The following CCDC148 variants were observed in gnomAD, a reference collection of about 807,000 sequenced individuals.
CCDC148 encodes coiled-coil domain containing 148.
Under a neutral mutation model 85.7 loss-of-function variants are expected in CCDC148, and 89 were observed. That is an observed-to-expected ratio of 1.04 (90% CI 0.87 to 1.24). The LOEUF is 1.24. CCDC148 is among the 50% of genes most tolerant of loss of function. The pLI, the probability that CCDC148 is intolerant of heterozygous loss-of-function variation, is 0.00. For synonymous variants in CCDC148, 230 were observed against 213.9 expected, an observed-to-expected ratio of 1.08 and a Z score of -0.66; for missense variants, 692 against 671.7, an observed-to-expected ratio of 1.03 and a Z score of -0.33.
chr2:158,327,837 A>G (rs1158668921), intron 7 of CCDC148, among the ~76,000 whole-genome samples: 2 of 152,106 alleles, frequency 1.3e-5, no homozygotes, highest in African/African-American at 2.4e-5. Context: ...TTTTTTTCCT[A>G]TAGTACAGAT....
intron 5 of CCDC148, among the ~76,000 whole-genome samples, chr2:158,339,569 G>A (rs2105241779): frequency 6.6e-6 from 1 of 152,298 alleles, no homozygotes; most frequent in South Asian, 2.1e-4. Flanking sequence ...TTGAGGGGAA[G>A]CAGTTGACAA....
At chr2:158,438,434 G>A (rs931395126) in intron 1 of CCDC148, among the ~76,000 whole-genome samples, 1 of 152,184 alleles carries the variant, frequency 6.6e-6, no homozygotes, top group Admixed American at 6.5e-5. Context: ...GTAGAAAGCT[G>A]AAACTGGATC....
At chr2:158,397,048 A>C (rs1574749232) in intron 1 of CCDC148, among the ~76,000 whole-genome samples, 1 of 152,054 alleles carries the variant, frequency 6.6e-6, no homozygotes, top group Non-Finnish European at 1.5e-5. Context: ...TGTACGGTGC[A>C]AAATGAAGTG....
chr2:158,382,137 G>A (rs1263234569), intron 1 of CCDC148, among the ~76,000 whole-genome samples: 1 of 152,088 alleles, frequency 6.6e-6, no homozygotes, highest in Non-Finnish European at 1.5e-5. Flanking sequence ...TCCTCATCTT[G>A]CCTCATCAAG....
At chr2:158,383,242 G>C (rs1427045441) in intron 1 of CCDC148, among the ~76,000 whole-genome samples, 1 of 151,964 alleles carries the variant, frequency 6.6e-6, no homozygotes, top group Admixed American at 6.6e-5. Flanking sequence ...GCTTGAACCT[G>C]GGAGGTGGAG....
chr2:158,423,041 T>C (rs958104310), intron 1 of CCDC148, among the ~76,000 whole-genome samples: 18 of 152,112 alleles, frequency 1.2e-4, no homozygotes, highest in Non-Finnish European at 2.5e-4. Context: ...AAGGACCTCT[T>C]TAAGGAGAAC....
chr2:158,371,913 C>T (rs898285583), intron 1 of CCDC148, among the ~76,000 whole-genome samples: 3 of 151,928 alleles, frequency 2.0e-5, no homozygotes, highest in Non-Finnish European at 4.4e-5. Context: ...ATATGATTTT[C>T]TCTATTTTTA....
intron 1 of CCDC148, among the ~76,000 whole-genome samples, chr2:158,372,451 T>C (rs1684482095): frequency 6.6e-6 from 1 of 152,002 alleles, no homozygotes; most frequent in South Asian, 2.1e-4. Context: ...ATCCTCTGCT[T>C]TGGAAAGACT....
rs1413434208 is a variant in CCDC148 at position 158,385,754 on chromosome 2, G to T, written c.26-27184C>A. ...CTGCTGTAGGTCAAACAAGGCTTCT[G>T]GCAACTTCTTGGGGAGCCCCAGCCT... On this transcript the variant is annotated intron_variant, in intron 1 of 13. Transcript: ENST00000283233. 4.6e-5 allele frequency among the ~76,000 whole-genome samples: 7 copies of T among 152,086 alleles called. No homozygotes were observed. The East Asian group carries it at 1.4e-3, about 29-fold the overall frequency.
At position 158,382,693 on chromosome 2, in the gene CCDC148, G is replaced by A. The variant is rs547230985; in HGVS notation, c.26-24123C>T. Among the ~76,000 whole-genome samples, 20 of 152,020 alleles carry A rather than the reference G, an allele frequency of 1.3e-4. No homozygotes were observed. The South Asian group carries it at 3.7e-3, about 28-fold the overall frequency. On this transcript the variant is annotated intron_variant, in intron 1 of 13. Coordinates refer to ENST00000283233, the MANE Select transcript of CCDC148 (RefSeq NM_138803.4). Reference sequence around the variant, plus strand: ...TGGGAGGCCAAGGCAGGTGGATCACGAGGTCAGGAGTTCAAGACCAGCCTG... The same window carrying A: ...TGGGAGGCCAAGGCAGGTGGATCACAAGGTCAGGAGTTCAAGACCAGCCTG...
At chr2:158,279,802 C>T (rs375509997) in intron 9 of CCDC148, among the ~76,000 whole-genome samples, 1 of 151,576 alleles carries the variant, frequency 6.6e-6, no homozygotes, top group Admixed American at 6.6e-5. Flanking sequence ...CTCGAGAAGA[C>T]CAACTCCAAG....
At chr2:158,294,980 CT>C (rs1276672660) in intron 9 of CCDC148, among the ~76,000 whole-genome samples, 1 of 152,042 alleles carries the variant, frequency 6.6e-6, no homozygotes, top group Non-Finnish European at 1.5e-5. Context: ...TAATAGCCCC[CT>C]GTGGTTTTAA....
chr2:158,358,316 T>A (rs966879246), intron 2 of CCDC148, 133 bp downstream of exon 2: 6 of 1,003,074 alleles, frequency 6.0e-6, no homozygotes, highest in Non-Finnish European at 8.7e-6. Context: ...TAGCTGCTAT[T>A]CACTATTATT....
chr2:158,393,199 T>C (rs1160278308), intron 1 of CCDC148: 1 of 152,114 alleles, frequency 6.6e-6, no homozygotes, highest in Non-Finnish European at 1.5e-5. Flanking sequence ...CCAGGATGGA[T>C]GTATACATGA....
intron 2 of CCDC148, among the ~76,000 whole-genome samples, chr2:158,357,280 T>G (rs1485916573): frequency 6.7e-6 from 1 of 148,778 alleles, no homozygotes; most frequent in Non-Finnish European, 1.5e-5. Flanking sequence ...CTGGGTGGCT[T>G]AAAAAAAAAC....
intron 1 of CCDC148, among the ~76,000 whole-genome samples, chr2:158,441,376 T>G (rs895077092): frequency 1.3e-5 from 2 of 152,216 alleles, no homozygotes; most frequent in Non-Finnish European, 2.9e-5. Context: ...GAATGAATCG[T>G]ATTTAAAATA....
At chr2:158,351,646 G>A (rs1280658216) in intron 2 of CCDC148, among the ~76,000 whole-genome samples, 1 of 152,184 alleles carries the variant, frequency 6.6e-6, no homozygotes, top group African/African-American at 2.4e-5. Context: ...GCGAGGCTGG[G>A]GGAGGGGCGC....
At chr2:158,434,212 T>A (rs1574815055) in intron 1 of CCDC148, among the ~76,000 whole-genome samples, 1 of 152,116 alleles carries the variant, frequency 6.6e-6, no homozygotes. Context: ...AACTGGGAGG[T>A]ACCTCCCAGT....
chr2:158,356,747 C>T (rs1484173605), intron 2 of CCDC148, among the ~76,000 whole-genome samples: 39 of 145,470 alleles, frequency 2.7e-4, no homozygotes, highest in South Asian at 7.0e-4. Flanking sequence ...ACCCAAAGGA[C>T]TATAAATCAT....
Sources: allele counts gnomAD v4.1 joint callset (sites outside exome capture counted in the v4.1 genomes callset), GRCh38; gene constraint gnomAD v4.1.1; transcripts MANE v1.5; gene names NCBI Gene and HGNC (gene_info 2026-07-23, HGNC 2026-07-21).